The following SLC25A48 variants were observed in gnomAD, a reference collection of about 807,000 sequenced individuals.
The protein encoded by SLC25A48 is solute carrier family 25 member 48.
In SLC25A48, 29 loss-of-function variants were observed where a neutral mutation model predicts 32.2. The observed-to-expected ratio is 0.90, with a 90% CI of 0.67 to 1.23. The LOEUF (loss-of-function observed/expected upper bound fraction) is 1.23, where lower values mean the gene tolerates loss of function less well. Among genes scored for constraint, SLC25A48 ranks in the 50% most tolerant of loss-of-function variants. The probability of loss-of-function intolerance (pLI) is 0.00; values close to 1 mark genes in which losing one functional copy is unlikely to be tolerated. For synonymous variants in SLC25A48, 164 were observed against 172.3 expected, an observed-to-expected ratio of 0.95 and a Z score of 0.38; for missense variants, 399 against 422.7, an observed-to-expected ratio of 0.94 and a Z score of 0.49.
chr5:135,820,135 A>G (rs928456446), intron 4 of SLC25A48, among the ~76,000 whole-genome samples: 13 of 152,212 alleles, frequency 8.5e-5, no homozygotes, highest in African/African-American at 2.7e-4. Context: ...CATTTCTAGC[A>G]GCACTATTCA....
At chr5:135,709,991 A>T (rs1754615137) in intron 3 of SLC25A48, among the ~76,000 whole-genome samples, 1 of 152,198 alleles carries the variant, frequency 6.6e-6, no homozygotes, top group African/African-American at 2.4e-5. Context: ...TTCTCCCACC[A>T]TGGTCACTGT....
intron 3 of SLC25A48, among the ~76,000 whole-genome samples, chr5:135,793,182 ACACTG>A (rs1196908948): frequency 6.6e-6 from 1 of 151,588 alleles, no homozygotes; most frequent in Non-Finnish European, 1.5e-5. Context: ...TCCTAATATT[ACACTG>A]GGTGTACACC....
At chr5:135,700,347 G>A (rs1328351263) in intron 3 of SLC25A48, among the ~76,000 whole-genome samples, 4 of 126,922 alleles carry the variant, frequency 3.2e-5, no homozygotes, top group Admixed American at 9.2e-5. Flanking sequence ...ACTCTAGCCT[G>A]GGTGACAGAG....
intron 3 of SLC25A48, among the ~76,000 whole-genome samples, chr5:135,733,076 G>A (rs1395821720): frequency 6.6e-6 from 1 of 152,180 alleles, no homozygotes; most frequent in Non-Finnish European, 1.5e-5. Context: ...AATATGGAAG[G>A]CATATTTAGA....
intron 3 of SLC25A48, among the ~76,000 whole-genome samples, chr5:135,752,269 A>G (rs913904758): frequency 2.0e-5 from 3 of 152,170 alleles, no homozygotes; most frequent in Non-Finnish European, 4.4e-5. Context: ...TGTCAAACAC[A>G]TAATTGATAA....
intron 3 of SLC25A48, among the ~76,000 whole-genome samples, chr5:135,760,250 G>A (rs920548491): frequency 4.6e-5 from 7 of 152,000 alleles, no homozygotes; most frequent in African/African-American, 9.7e-5. Context: ...GTGCATATAC[G>A]TGCATATATT....
intron 1 of SLC25A48, among the ~76,000 whole-genome samples, chr5:135,593,573 C>G (rs1181502643): frequency 6.6e-6 from 1 of 152,314 alleles, no homozygotes; most frequent in East Asian, 1.9e-4. Flanking sequence ...AGACAAAGTT[C>G]CAAGGGCTTC....
rs576798277 is a variant in SLC25A48 at position 135,614,188 on chromosome 5, T to C, written c.-848-15049T>C. ...GTTAATTTTATTTGTAGGTATTTTATTTTTTGTAGCTATTGAAAATAGGAT... is the reference window on the plus strand; with the variant it reads ...GTTAATTTTATTTGTAGGTATTTTACTTTTTGTAGCTATTGAAAATAGGAT... On this transcript the variant is annotated intron_variant, in intron 1 of 10. Coordinates refer to the SLC25A48 transcript ENST00000646290. 2.8e-4 allele frequency among the ~76,000 whole-genome samples: 42 copies of C among 152,344 alleles called. No homozygotes were observed. In the East Asian group the frequency reaches 7.9e-3, roughly 29 times the overall value.
rs145718187 is a variant in SLC25A48, at chr5:135,731,089, G to A, written c.-520-81434G>A. Among the ~76,000 whole-genome samples the A allele has an allele frequency of 5.0e-4, 76 of 152,240 alleles. 2 individuals are homozygous for A. The East Asian group carries it at 0.014, about 29-fold the overall frequency. ...ACCTGGGTGCAGGTGGGCTGAGTCCGAAAAGAGAGTCAGTGAAGGGAGATA... is the reference window on the plus strand; with the variant it reads ...ACCTGGGTGCAGGTGGGCTGAGTCCAAAAAGAGAGTCAGTGAAGGGAGATA... On this transcript the variant is annotated intron_variant, in intron 3 of 10. Coordinates refer to the SLC25A48 transcript ENST00000646290.
upstream of SLC25A48, among the ~76,000 whole-genome samples, chr5:135,831,989 GA>G (rs1478842476): frequency 6.6e-6 from 1 of 152,160 alleles, no homozygotes; most frequent in African/African-American, 2.4e-5. Flanking sequence ...CGGCTGGTGG[GA>G]TAAGACCTTG....
At chr5:135,655,809 C>T (rs948639002) in intron 3 of SLC25A48, among the ~76,000 whole-genome samples, 4 of 152,234 alleles carry the variant, frequency 2.6e-5, no homozygotes, top group Admixed American at 1.3e-4. Context: ...ATCCTCCCCA[C>T]GGCTGTGAAG....
chr5:135,615,742 G>A (rs1580725576), intron 1 of SLC25A48, among the ~76,000 whole-genome samples: 1 of 152,226 alleles, frequency 6.6e-6, no homozygotes, highest in Non-Finnish European at 1.5e-5. Context: ...ATAACTGAAA[G>A]GAAAGCAAGT....
intron 3 of SLC25A48, among the ~76,000 whole-genome samples, chr5:135,681,877 C>A (rs1327871635): frequency 1.3e-5 from 2 of 152,126 alleles, no homozygotes; most frequent in Admixed American, 6.5e-5. Flanking sequence ...GGTTCTTCCA[C>A]TCTGGCATAG....
At chr5:135,765,481 G>T (rs779947887) in intron 3 of SLC25A48, among the ~76,000 whole-genome samples, 10 of 151,496 alleles carry the variant, frequency 6.6e-5, no homozygotes, top group Non-Finnish European at 1.5e-4. Context: ...TTGTGAAATT[G>T]TTGGTAATAT....
chr5:135,769,152 T>A (rs1756329925), intron 3 of SLC25A48, among the ~76,000 whole-genome samples: 2 of 149,996 alleles, frequency 1.3e-5, no homozygotes, highest in South Asian at 4.2e-4. Flanking sequence ...TCGCAAGGGG[T>A]GTACACCCCC....
intron 3 of SLC25A48, among the ~76,000 whole-genome samples, chr5:135,772,284 A>C (rs1236649350): frequency 6.6e-6 from 1 of 150,774 alleles, no homozygotes; most frequent in Non-Finnish European, 1.5e-5. Context: ...TATTACTCCC[A>C]CTGTCACAGG....
At chr5:135,817,076 A>G (rs1180995648) in intron 4 of SLC25A48, among the ~76,000 whole-genome samples, 5 of 152,268 alleles carry the variant, frequency 3.3e-5, no homozygotes, top group Non-Finnish European at 7.3e-5. Context: ...TATCCTAGCT[A>G]TCAAGGAATA....
Position 135,824,823 on chromosome 5 carries a change from TGAG to T in SLC25A48, c.-117+11902_-117+11904del, listed in dbSNP as rs1425759661. ...AGTCAGGGACGAATGCTCTGTGAGTTGAGGAGGCCATAGAGGGTGGGGGGAGCA... is the reference window on the plus strand; with the variant it reads ...AGTCAGGGACGAATGCTCTGTGAGTTGAGGCCATAGAGGGTGGGGGGAGCA... On this transcript the variant is annotated intron_variant, in intron 4 of 10. Transcript: ENST00000646290. 5 of 152,388 alleles carry T rather than the reference TGAG, an allele frequency of 3.3e-5. No homozygotes were observed. The East Asian group carries it at 9.7e-4, about 29-fold the overall frequency. The allele number at this position is 152,388 out of a possible 1,614,324, so 9.4% of individuals were successfully genotyped here.
intron 3 of SLC25A48, among the ~76,000 whole-genome samples, chr5:135,804,639 A>G (rs1004651289): frequency 2.0e-5 from 3 of 151,576 alleles, no homozygotes; most frequent in African/African-American, 7.3e-5. Flanking sequence ...ACACCCTGTG[A>G]TATTATTCTT....
Sources: allele counts gnomAD v4.1 joint callset (sites outside exome capture counted in the v4.1 genomes callset), GRCh38; gene constraint gnomAD v4.1.1; transcripts MANE v1.5; gene names NCBI Gene and HGNC (gene_info 2026-07-23, HGNC 2026-07-21).